The following SUPT3H variants were observed in gnomAD, a reference collection of about 807,000 sequenced individuals.
SUPT3H encodes the protein SPT3 homolog, SAGA and STAGA complex component.
Under a neutral mutation model 44.3 loss-of-function variants are expected in SUPT3H, and 44 were observed. That is an observed-to-expected ratio of 0.99 (90% CI 0.78 to 1.28). The LOEUF (loss-of-function observed/expected upper bound fraction) is 1.28. SUPT3H is among the 50% of genes most tolerant of loss of function. The probability of loss-of-function intolerance (pLI) is 0.00; values close to 1 mark genes in which losing one functional copy is unlikely to be tolerated. For synonymous variants in SUPT3H, 124 were observed against 125.6 expected (o/e 0.99, Z 0.09); for missense variants, 380 against 387.1 (o/e 0.98, Z 0.15).
intron 3 of SUPT3H, among the ~76,000 whole-genome samples, chr6:45,078,234 G>C (rs947773817): frequency 6.6e-6 from 1 of 152,086 alleles, no homozygotes; most frequent in African/African-American, 2.4e-5. Context: ...CTTTGGTTTT[G>C]TTCTCTTTTT....
chr6:44,951,021 G>A (rs1295839148), intron 9 of SUPT3H, among the ~76,000 whole-genome samples: 1 of 151,800 alleles, frequency 6.6e-6, no homozygotes, highest in Admixed American at 6.6e-5. Flanking sequence ...TATATAATCT[G>A]AGCCTTAATT....
chr6:45,060,844 A>G (rs1791891296), intron 3 of SUPT3H, among the ~76,000 whole-genome samples: 1 of 152,260 alleles, frequency 6.6e-6, no homozygotes, highest in Non-Finnish European at 1.5e-5. Context: ...AACATATGAA[A>G]AAAGGATCAA....
chr6:44,845,766 C>A (rs1298384076), intron 10 of SUPT3H, among the ~76,000 whole-genome samples: 1 of 152,282 alleles, frequency 6.6e-6, no homozygotes, highest in Non-Finnish European at 1.5e-5. Context: ...ACTGAGCAAC[C>A]CGACACCAGG....
At chr6:45,299,931 T>C (rs116632935) in intron 2 of SUPT3H, among the ~76,000 whole-genome samples, 177 of 150,448 alleles carry the variant, frequency 1.2e-3, no homozygotes, top group African/African-American at 4.1e-3. Flanking sequence ...GACTTTTATA[T>C]GCGTATTATA....
At chr6:45,179,774 G>A (rs1216158880) in intron 2 of SUPT3H, among the ~76,000 whole-genome samples, 1 of 152,276 alleles carries the variant, frequency 6.6e-6, no homozygotes, top group East Asian at 1.9e-4. Context: ...TTCTGAATGG[G>A]CAAAAACTGG....
rs1778152030 is a variant in SUPT3H at position 44,975,182 on chromosome 6, C to CAAACAAAA, written c.505-13355_505-13354insTTTTGTTT. Among the ~76,000 whole-genome samples, 2 of 151,336 alleles carry CAAACAAAA rather than the reference C, an allele frequency of 1.3e-5. 1 individual carries two copies. Among genetic ancestry groups the CAAACAAAA allele is most frequent in the South Asian group, 4.2e-4 (2 of 4,786 alleles). Reference sequence around the variant, plus strand: ...CAAGACTCCATCTCAAACAAACAAACAAACAAACAAAAAAGACGACCAGTT... The same window carrying CAAACAAAA: ...CAAGACTCCATCTCAAACAAACAAACAAACAAAAAAACAAACAAAAAAGACGACCAGTT... On this transcript the variant is annotated intron_variant, in intron 6 of 10. Coordinates refer to ENST00000371459, the MANE Select transcript of SUPT3H (RefSeq NM_003599.4).
intron 10 of SUPT3H, among the ~76,000 whole-genome samples, chr6:44,839,115 G>C (rs953168560): frequency 6.6e-6 from 1 of 152,036 alleles, no homozygotes; most frequent in African/African-American, 2.4e-5. Flanking sequence ...TTATGTGGTA[G>C]TGACAGTACT....
At chr6:45,304,775 A>T (rs1180866912) in intron 2 of SUPT3H, among the ~76,000 whole-genome samples, 1 of 152,216 alleles carries the variant, frequency 6.6e-6, no homozygotes, top group Non-Finnish European at 1.5e-5. Flanking sequence ...AATGCCAAAA[A>T]TATCTTAGAA....
At chr6:45,098,245 T>C (rs549209226) in intron 3 of SUPT3H, 27 of 159,118 alleles carry the variant, frequency 1.7e-4, no homozygotes, top group Non-Finnish European at 2.1e-4. Context: ...CTGCAGTAAA[T>C]TGAAGCATGT....
At chr6:44,943,714 A>G (rs1772831911) in intron 9 of SUPT3H, among the ~76,000 whole-genome samples, 1 of 152,172 alleles carries the variant, frequency 6.6e-6, no homozygotes, top group Non-Finnish European at 1.5e-5. Context: ...TAAAAACAAT[A>G]GAGAAAAAAG....
At chr6:44,822,343 A>G (rs1411926984), downstream of SUPT3H, among the ~76,000 whole-genome samples, 2 of 152,176 alleles carry the variant, frequency 1.3e-5, no homozygotes, top group African/African-American at 4.8e-5. Flanking sequence ...AGATCTTTAT[A>G]TTTGCTTTAA....
intron 2 of SUPT3H, among the ~76,000 whole-genome samples, chr6:45,223,312 A>G: frequency 6.6e-6 from 1 of 152,104 alleles, no homozygotes; most frequent in Admixed American, 6.5e-5. Flanking sequence ...TAGATAAAGG[A>G]TACACAGGAT....
At chr6:45,302,514 AATATATATATATATATATATAT>A (rs10524207) in intron 2 of SUPT3H, among the ~76,000 whole-genome samples, 16 of 105,382 alleles carry the variant, frequency 1.5e-4, no homozygotes, top group East Asian at 6.8e-4. Context: ...GTATCTCAGG[AATATATATATATATATATATAT>A]ATATATATAT....
intron 2 of SUPT3H, among the ~76,000 whole-genome samples, chr6:45,154,637 C>T (rs1807509174): frequency 6.6e-6 from 1 of 152,198 alleles, no homozygotes; most frequent in Non-Finnish European, 1.5e-5. Flanking sequence ...GACTCCAGTT[C>T]AGAGGAACTT....
chr6:45,105,878 G>C (rs368553204), intron 3 of SUPT3H, 44 bp downstream of exon 3: 14 of 1,446,072 alleles, frequency 9.7e-6, no homozygotes, highest in Admixed American at 1.8e-5. Context: ...CCTAATAAAA[G>C]AATGCAGAGA....
intron 2 of SUPT3H, among the ~76,000 whole-genome samples, chr6:45,248,660 T>C (rs1451262562): frequency 6.6e-6 from 1 of 152,142 alleles, no homozygotes; most frequent in Non-Finnish European, 1.5e-5. Flanking sequence ...CTCTTGCCTG[T>C]AATCCCAGCA....
At chr6:45,278,735 G>A (rs902152703) in intron 2 of SUPT3H, among the ~76,000 whole-genome samples, 1 of 152,162 alleles carries the variant, frequency 6.6e-6, no homozygotes, top group Non-Finnish European at 1.5e-5. Context: ...ACAGAGAAGA[G>A]TACAATAAGA....
chr6:44,914,824 G>A (rs781659051), intron 10 of SUPT3H, among the ~76,000 whole-genome samples: 8 of 152,128 alleles, frequency 5.3e-5, no homozygotes, highest in Non-Finnish European at 8.8e-5. Flanking sequence ...TGATTAAGAC[G>A]CAGTCCTTTG....
intron 3 of SUPT3H, among the ~76,000 whole-genome samples, chr6:45,103,989 T>C (rs1389644102): frequency 6.6e-6 from 1 of 152,048 alleles, no homozygotes; most frequent in Non-Finnish European, 1.5e-5. Flanking sequence ...GGGAAGAACA[T>C]ACTTAAAGAA....
Sources: gnomAD v4.1 joint callset for allele counts (sites outside exome capture counted in the v4.1 genomes callset) on GRCh38, gnomAD v4.1.1 for gene constraint, MANE v1.5 for transcripts, NCBI Gene and HGNC (gene_info 2026-07-23, HGNC 2026-07-21) for gene names.